RBFOX1: variants seen among roughly 807,000 people sequenced by gnomAD.
RBFOX1 encodes RNA binding protein fox-1 homolog 1.
A neutral mutation model predicts 57.7 loss-of-function variants in RBFOX1; 8 were observed. The ratio of observed to expected loss-of-function variants is 0.14; its 90% CI spans 0.08 to 0.25. The LOEUF (loss-of-function observed/expected upper bound fraction) is 0.25, where lower values mean the gene tolerates loss of function less well. Ranked by LOEUF, RBFOX1 falls within the 10% of genes least tolerant of loss-of-function variation. The pLI is 1.00. For missense variants in RBFOX1, 611 were observed against 548.5 expected (o/e 1.11, Z -1.14); for synonymous variants, 326 against 222.4 (o/e 1.47, Z -4.15).
At chr16:5,436,201 T>G (rs567927708) in intron 1 of RBFOX1, among the ~76,000 whole-genome samples, 46 of 152,338 alleles carry the variant, frequency 3.0e-4, no homozygotes, top group South Asian at 8.3e-4. Flanking sequence ...GATCCCTGCC[T>G]AGGAGGCCTC....
chr16:6,979,396 A>C lies in RBFOX1; in HGVS notation c.-15-72661A>C, dbSNP rs544396264. Among the ~76,000 whole-genome samples, 70 of 152,226 alleles carry C rather than the reference A, an allele frequency of 4.6e-4. 1 individual carries two copies. In the South Asian group the frequency reaches 0.013, roughly 29 times the overall value. ...GAACCTGAGCACTTTCCATTGTGCG[A>C]TAGACCCACTAAATTAAAGTTGAAG... On this transcript the variant is annotated intron_variant, in intron 3 of 15. Coordinates refer to ENST00000550418, the MANE Select transcript of RBFOX1 (RefSeq NM_018723.4).
intron 1 of RBFOX1, among the ~76,000 whole-genome samples, chr16:5,394,475 C>G (rs1225868853): frequency 6.6e-6 from 1 of 152,016 alleles, no homozygotes. Flanking sequence ...CGCTTTTGGA[C>G]TTGACCCCTG....
chr16:5,996,735 C>G (rs151123990), intron 4 of RBFOX1, among the ~76,000 whole-genome samples: 1 of 152,246 alleles, frequency 6.6e-6, no homozygotes, highest in Non-Finnish European at 1.5e-5. Context: ...CGGTCACAGA[C>G]AGCTCACAGC....
At chr16:6,738,395 T>C (rs181668087) in intron 3 of RBFOX1, among the ~76,000 whole-genome samples, 3 of 152,196 alleles carry the variant, frequency 2.0e-5, no homozygotes, top group East Asian at 3.9e-4. Context: ...ATTCTGAGTA[T>C]AGAGCATCAG....
chr16:6,338,400 A>C (rs889941974), intron 2 of RBFOX1, among the ~76,000 whole-genome samples: 3 of 152,208 alleles, frequency 2.0e-5, no homozygotes, highest in Non-Finnish European at 4.4e-5. Flanking sequence ...CTAGAATATC[A>C]GTCAGTAGGT....
chr16:5,454,041 G>C (rs1049185559), intron 1 of RBFOX1, among the ~76,000 whole-genome samples: 1 of 152,190 alleles, frequency 6.6e-6, no homozygotes, highest in African/African-American at 2.4e-5. Flanking sequence ...GAAAAGGAGA[G>C]TCATAGAAGA....
chr16:5,367,381 C>T (rs1410341646), intron 1 of RBFOX1, among the ~76,000 whole-genome samples: 3 of 152,098 alleles, frequency 2.0e-5, no homozygotes, highest in African/African-American at 4.8e-5. Context: ...GGTAGAGAGA[C>T]GCAGGTGCTT....
At chr16:5,374,119 G>A (rs530601575) in intron 1 of RBFOX1, among the ~76,000 whole-genome samples, 3 of 152,316 alleles carry the variant, frequency 2.0e-5, no homozygotes, top group Admixed American at 6.5e-5. Context: ...TGTGTTTTTA[G>A]TAGAGACAGG....
chr16:6,908,682 AG>A (rs1336475155), intron 3 of RBFOX1, among the ~76,000 whole-genome samples: 1 of 152,086 alleles, frequency 6.6e-6, no homozygotes, highest in Non-Finnish European at 1.5e-5. Flanking sequence ...TGCAGGGTCC[AG>A]TTGGGATGAC....
chr16:7,280,184 T>C (rs2095513875), intron 4 of RBFOX1, among the ~76,000 whole-genome samples: 1 of 152,234 alleles, frequency 6.6e-6, no homozygotes, highest in South Asian at 2.1e-4. Flanking sequence ...ATGTACACCT[T>C]GACTAAATTC....
chr16:6,876,913 A>C (rs1271289261), intron 3 of RBFOX1, among the ~76,000 whole-genome samples: 1 of 152,222 alleles, frequency 6.6e-6, no homozygotes, highest in Non-Finnish European at 1.5e-5. Flanking sequence ...AGTACTGGGT[A>C]CACTATTCTG....
intron 1 of RBFOX1, among the ~76,000 whole-genome samples, chr16:5,395,276 C>G (rs1195189759): frequency 6.6e-6 from 1 of 152,232 alleles, no homozygotes; most frequent in Non-Finnish European, 1.5e-5. Flanking sequence ...GGCTGCAAGG[C>G]AACTCCTCCA....
intron 4 of RBFOX1, among the ~76,000 whole-genome samples, chr16:5,906,893 C>G (rs539697755): frequency 6.6e-6 from 1 of 151,956 alleles, no homozygotes; most frequent in African/African-American, 2.4e-5. Context: ...CACCACCATG[C>G]CTGGCTCATT....
chr16:6,373,361 T>C (rs971225408), intron 2 of RBFOX1, among the ~76,000 whole-genome samples: 1 of 147,840 alleles, frequency 6.8e-6, no homozygotes, highest in African/African-American at 2.5e-5. Flanking sequence ...AAGAGTATAG[T>C]TGGATGGAAG....
In RBFOX1 at chr16:7,601,570, A is replaced by G. The variant is rs528407252; in HGVS notation, c.622+4139A>G. Among the ~76,000 whole-genome samples the G allele has an allele frequency of 3.3e-5, 5 of 152,316 alleles. No individual in the cohort carries two copies. In the South Asian group the frequency reaches 1.0e-3, roughly 32 times the overall value. Reference sequence around the variant, plus strand: ...TTGAAAAACTCAGTCTTTTGGGACTAGCTATTGTTTTCTTACTGAAGTAAA... The same window carrying G: ...TTGAAAAACTCAGTCTTTTGGGACTGGCTATTGTTTTCTTACTGAAGTAAA... On this transcript the variant is annotated intron_variant, in intron 9 of 15. Transcript: ENST00000550418.
chr16:7,340,103 C>A (rs2096865141), intron 4 of RBFOX1, among the ~76,000 whole-genome samples: 1 of 152,192 alleles, frequency 6.6e-6, no homozygotes, highest in African/African-American at 2.4e-5. Flanking sequence ...TCTGGTTGCC[C>A]ACTTTAGAGC....
At chr16:5,519,783 C>A (rs948676550) in intron 2 of RBFOX1, among the ~76,000 whole-genome samples, 3 of 152,128 alleles carry the variant, frequency 2.0e-5, no homozygotes, top group Admixed American at 1.3e-4. Flanking sequence ...ACAGCCTGGG[C>A]GACTTGTTCC....
At chr16:6,328,766 G>T (rs1479592707) in intron 2 of RBFOX1, among the ~76,000 whole-genome samples, 1 of 152,156 alleles carries the variant, frequency 6.6e-6, no homozygotes, top group Non-Finnish European at 1.5e-5. Context: ...ATGCCTGTTA[G>T]GGATAAACCT....
intron 3 of RBFOX1, among the ~76,000 whole-genome samples, chr16:6,760,334 G>A (rs1206096579): frequency 6.6e-6 from 1 of 152,012 alleles, no homozygotes; most frequent in Non-Finnish European, 1.5e-5. Context: ...AGGTGGAAGG[G>A]GAATCAAGAT....
Sources: allele counts gnomAD v4.1 joint callset (sites outside exome capture counted in the v4.1 genomes callset), GRCh38; gene constraint gnomAD v4.1.1; transcripts MANE v1.5; gene names NCBI Gene and HGNC (gene_info 2026-07-23, HGNC 2026-07-21).